Variants in ADGRL2 observed in about 807,000 individuals in gnomAD.
The protein encoded by ADGRL2 is adhesion G protein-coupled receptor L2, also known as calcium-independent alpha-latrotoxin receptor 2.
A neutral mutation model predicts 157.4 loss-of-function variants in ADGRL2; 44 were observed. That is an observed-to-expected ratio of 0.28 (90% CI 0.22 to 0.36). The LOEUF (loss-of-function observed/expected upper bound fraction) is 0.36, where lower values mean the gene tolerates loss of function less well. Among genes scored for constraint, ADGRL2 ranks in the 10% least tolerant of loss-of-function variants. The pLI is 1.00. For missense variants in ADGRL2, 1,510 were observed against 1,768.9 expected (o/e 0.85, Z 2.63); for synonymous variants, 585 against 624.7 (o/e 0.94, Z 0.95).
chr1:81,383,145 G>A (rs113517354), intron 1 of ADGRL2, among the ~76,000 whole-genome samples: 17 of 152,184 alleles, frequency 1.1e-4, no homozygotes, highest in African/African-American at 3.6e-4. Flanking sequence ...TTGTTGAGCC[G>A]CATTACAGGA....
chr1:81,987,223 A>T lies in ADGRL2; in HGVS notation c.3637+194A>T. The T allele has an allele frequency of 2.2e-6, 3 of 1,390,164 alleles. No individual in the cohort carries two copies. The South Asian group carries it at 3.6e-5, about 17-fold the overall frequency. 86.1% of individuals were successfully genotyped at this position (1,390,164 alleles called of 1,614,324 possible). The stretch of plus-strand genomic sequence containing the variant: ...ATATTATAGTAAAAGCTCAGTCATG[A>T]TAGTATTTACAATAATGATCCATGT... On this transcript the variant is annotated intron_variant, in intron 22 of 23. Coordinates refer to ENST00000686636, the MANE Select transcript of ADGRL2 (RefSeq NM_001366006.2).
At position 81,537,324 on chromosome 1, in the gene ADGRL2, C is replaced by T. The variant is rs574809016; in HGVS notation, c.-247-43552C>T. On this transcript the variant is annotated intron_variant, in intron 2 of 24. Transcript: ENST00000370721. ...TTGAGATGGAATTTCGCTCTTGTTG[C>T]CCAGGCTGGAGTGCAATGGAGTGAT... Among the ~76,000 whole-genome samples the T allele has an allele frequency of 4.9e-4, 75 of 152,214 alleles. 1 individual carries two copies. The South Asian group carries it at 0.015, about 29-fold the overall frequency.
intron 3 of ADGRL2, among the ~76,000 whole-genome samples, chr1:81,668,227 C>T (rs899627599): frequency 1.3e-5 from 2 of 151,962 alleles, no homozygotes; most frequent in African/African-American, 4.8e-5. Context: ...GAGTTCGAGA[C>T]CGGCCTGACC....
chr1:81,478,193 A>T (rs2078312605), intron 2 of ADGRL2, among the ~76,000 whole-genome samples: 1 of 152,170 alleles, frequency 6.6e-6, no homozygotes, highest in Non-Finnish European at 1.5e-5. Context: ...AGGAGGAGTC[A>T]TTATCTCCAA....
chr1:81,629,667 A>ATGTGTGTGTG (rs60497907), intron 3 of ADGRL2, among the ~76,000 whole-genome samples: 4 of 149,282 alleles, frequency 2.7e-5, no homozygotes, highest in African/African-American at 9.9e-5. Flanking sequence ...ATGAATGTAT[A>ATGTGTGTGTG]TGTGTGTGTG....
intron 1 of ADGRL2, among the ~76,000 whole-genome samples, chr1:81,330,504 C>T (rs147474851): frequency 6.6e-6 from 1 of 152,256 alleles, no homozygotes; most frequent in African/African-American, 2.4e-5. Flanking sequence ...ATGTATCTTA[C>T]TTGATCAGAG....
chr1:81,500,400 C>T (rs891661796), intron 2 of ADGRL2, among the ~76,000 whole-genome samples: 2 of 152,090 alleles, frequency 1.3e-5, no homozygotes, highest in African/African-American at 4.8e-5. Flanking sequence ...GGAAGTAACC[C>T]AAATGTTCAT....
chr1:81,642,410 ACT>A (rs1483510548), intron 3 of ADGRL2, among the ~76,000 whole-genome samples: 2 of 150,640 alleles, frequency 1.3e-5, no homozygotes, highest in Non-Finnish European at 3.0e-5. Flanking sequence ...ACAGAGCAAG[ACT>A]CTGTCTCAAA....
chr1:81,690,287 GT>G (rs1393290097), intron 3 of ADGRL2, among the ~76,000 whole-genome samples: 1 of 152,168 alleles, frequency 6.6e-6, no homozygotes, highest in Non-Finnish European at 1.5e-5. Context: ...GAGGTCAGGA[GT>G]TTGAGACCAA....
intron 1 of ADGRL2, among the ~76,000 whole-genome samples, chr1:81,348,447 T>G (rs1662639097): frequency 6.6e-6 from 1 of 152,164 alleles, no homozygotes. Flanking sequence ...AGGTACAATT[T>G]GTATTTTGGT....
intron 1 of ADGRL2, among the ~76,000 whole-genome samples, chr1:81,338,805 C>T (rs1341393401): frequency 1.3e-5 from 2 of 152,200 alleles, no homozygotes; most frequent in Non-Finnish European, 2.9e-5. Context: ...TGAACCCGGG[C>T]AGCTTGGCTT....
At position 81,517,683 on chromosome 1, in the gene ADGRL2, T is replaced by C. The variant is rs138632934; in HGVS notation, c.-247-63193T>C. On this transcript the variant is annotated intron_variant, in intron 2 of 24. Coordinates refer to the ADGRL2 transcript ENST00000370721. ...GAGCAGACTGTGAATATCTCATTGG[T>C]GACTGCCACCCCTCACTGCAAGGAA... 4.6e-3 allele frequency among the ~76,000 whole-genome samples: 704 copies of C among 152,218 alleles called. 8 individuals carry two copies. The highest frequency in any genetic ancestry group is 0.016 in the African/African-American group (672 of 41,530).
chr1:81,708,524 A>C (rs2149065743), intron 1 of ADGRL2, among the ~76,000 whole-genome samples: 1 of 152,234 alleles, frequency 6.6e-6, no homozygotes, highest in Admixed American at 6.5e-5. Context: ...TGTTTAGCCA[A>C]TGCACATATA....
At chr1:81,336,078 T>C (rs1281098274) in intron 1 of ADGRL2, among the ~76,000 whole-genome samples, 1 of 152,172 alleles carries the variant, frequency 6.6e-6, no homozygotes, top group Admixed American at 6.5e-5. Context: ...CAGACACCCA[T>C]TGTGATGGCC....
At chr1:81,757,030 C>T (rs1472259788) in intron 1 of ADGRL2, among the ~76,000 whole-genome samples, 1 of 152,072 alleles carries the variant, frequency 6.6e-6, no homozygotes, top group Non-Finnish European at 1.5e-5. Flanking sequence ...TCCAGGGTGC[C>T]ATGGAAGTTT....
At chr1:81,464,923 C>T (rs1436336580) in intron 2 of ADGRL2, among the ~76,000 whole-genome samples, 1 of 111,914 alleles carries the variant, frequency 8.9e-6, no homozygotes. Flanking sequence ...TGACAAATAG[C>T]CACCAGGGAG....
chr1:81,904,813 A>G (rs1198760559), intron 2 of ADGRL2, among the ~76,000 whole-genome samples: 2 of 152,104 alleles, frequency 1.3e-5, no homozygotes, highest in Non-Finnish European at 2.9e-5. Flanking sequence ...AGGCTGAGGC[A>G]GGAGAATTGC....
intron 2 of ADGRL2, among the ~76,000 whole-genome samples, chr1:81,558,107 A>G (rs1297982646): frequency 6.6e-6 from 1 of 152,214 alleles, no homozygotes; most frequent in African/African-American, 2.4e-5. Flanking sequence ...CCTGGCACAC[A>G]GTAGGTGCTC....
chr1:81,423,185 C>A (rs906599504), intron 1 of ADGRL2, among the ~76,000 whole-genome samples: 1 of 152,092 alleles, frequency 6.6e-6, no homozygotes, highest in African/African-American at 2.4e-5. Flanking sequence ...TTTGCTAACA[C>A]GAGAAAGGAA....
Sources: allele counts gnomAD v4.1 joint callset (sites outside exome capture counted in the v4.1 genomes callset), GRCh38; gene constraint gnomAD v4.1.1; transcripts MANE v1.5; gene names NCBI Gene and HGNC (gene_info 2026-07-23, HGNC 2026-07-21).